Variants in AJAP1 observed in about 807,000 individuals in gnomAD.
The protein encoded by AJAP1 is adherens junctions associated protein 1, also known as adherens junction-associated protein 1.
Under a neutral mutation model 35.0 loss-of-function variants are expected in AJAP1, and 5 were observed. The observed-to-expected ratio is 0.14, with a 90% CI of 0.07 to 0.30. The LOEUF (loss-of-function observed/expected upper bound fraction) is 0.30. Ranked by LOEUF, AJAP1 falls within the 10% of genes least tolerant of loss-of-function variation. The pLI is 1.00. For missense variants in AJAP1, 586 were observed against 571.0 expected (o/e 1.03, Z -0.27); for synonymous variants, 284 against 249.3 (o/e 1.14, Z -1.31).
chr1:4,735,387 G>T (rs1640897146), intron 2 of AJAP1, among the ~76,000 whole-genome samples: 2 of 152,188 alleles, frequency 1.3e-5, no homozygotes, highest in Admixed American at 1.3e-4. Flanking sequence ...CCTATTGGGA[G>T]AGGGGACCAA....
intron 2 of AJAP1, among the ~76,000 whole-genome samples, chr1:4,741,250 C>A (rs1641062770): frequency 6.6e-6 from 1 of 152,168 alleles, no homozygotes; most frequent in African/African-American, 2.4e-5. Context: ...GACCACAGAC[C>A]AGGTGACCTA....
intron 2 of AJAP1, among the ~76,000 whole-genome samples, chr1:4,769,020 C>T (rs1204832652): frequency 6.6e-6 from 1 of 152,160 alleles, no homozygotes; most frequent in South Asian, 2.1e-4. Flanking sequence ...TTTCTGCCAT[C>T]GTGCATGTGG....
In AJAP1 at chr1:4,679,197, G is replaced by A. The variant is rs543877263; in HGVS notation, c.29+23743G>A. On this transcript the variant is annotated intron_variant, in intron 1 of 5. Transcript: ENST00000378191. ...ACACTTGGGAAACCTGCTGCCTGACGTAGTAATTTCTCTTGACAGTACTCA... is the reference window on the plus strand; with the variant it reads ...ACACTTGGGAAACCTGCTGCCTGACATAGTAATTTCTCTTGACAGTACTCA... Among the ~76,000 whole-genome samples, 12 of 152,248 alleles carry A rather than the reference G, an allele frequency of 7.9e-5. No individual in the cohort carries two copies. The South Asian group carries it at 1.9e-3, about 24-fold the overall frequency.
chr1:4,719,843 C>T (rs562148537), intron 2 of AJAP1, among the ~76,000 whole-genome samples: 15 of 152,274 alleles, frequency 9.9e-5, no homozygotes, highest in East Asian at 7.7e-4. Context: ...CCCTCCCTGC[C>T]GGTGTCCACA....
At chr1:4,760,014 C>A (rs762296199) in intron 2 of AJAP1, among the ~76,000 whole-genome samples, 10 of 152,200 alleles carry the variant, frequency 6.6e-5, no homozygotes, top group Non-Finnish European at 1.5e-4. Flanking sequence ...TTCCTTCCCC[C>A]CAGCACTGGC....
chr1:4,706,989 C>T (rs1246298489), intron 1 of AJAP1, among the ~76,000 whole-genome samples: 4 of 152,176 alleles, frequency 2.6e-5, no homozygotes, highest in Middle Eastern at 3.4e-3. Context: ...ATCATGGGCT[C>T]GAGGCTGCTG....
In AJAP1 at chr1:4,655,518, C is replaced by T; in HGVS notation, c.29+64C>T. ...TGGGTGCCAGGCTGGGCGGAAGCGG[C>T]GCTTTCCTCTATGTTGCAAATCAAG... On this transcript the variant is annotated intron_variant, in intron 1 of 5. Transcript: ENST00000378191. This position sits in a 1 kb window ranked among gnomAD's most constrained non-coding sequence, Gnocchi z 6.9. 1.3e-6 allele frequency: 2 copies of T among 1,533,920 alleles called. No individual in the cohort carries two copies. Among genetic ancestry groups the T allele is most frequent in the Non-Finnish European group, 1.8e-6 (2 of 1,133,106 alleles).
chr1:4,776,041 T>C (rs1641933626), intron 5 of AJAP1, among the ~76,000 whole-genome samples: 1 of 152,196 alleles, frequency 6.6e-6, no homozygotes, highest in African/African-American at 2.4e-5. Context: ...TAATGCACAA[T>C]TCATTGACCT....
At chr1:4,746,221 T>C (rs1034368209) in intron 2 of AJAP1, among the ~76,000 whole-genome samples, 1 of 152,136 alleles carries the variant, frequency 6.6e-6, no homozygotes, top group South Asian at 2.1e-4. Flanking sequence ...GCCTCCATCA[T>C]CCCGTGGCTG....
chr1:4,735,181 G>T (rs1267103314), intron 2 of AJAP1, among the ~76,000 whole-genome samples: 1 of 152,254 alleles, frequency 6.6e-6, no homozygotes, highest in South Asian at 2.1e-4. Flanking sequence ...GCAAGGCATG[G>T]TGGGACCAGG....
chr1:4,665,140 C>T (rs1209952333), intron 1 of AJAP1, among the ~76,000 whole-genome samples: 1 of 152,022 alleles, frequency 6.6e-6, no homozygotes, highest in Admixed American at 6.6e-5. Flanking sequence ...AAGACTGTAC[C>T]CAGATGCTGA....
At chr1:4,743,522 G>A (rs924769532) in intron 2 of AJAP1, among the ~76,000 whole-genome samples, 3 of 152,194 alleles carry the variant, frequency 2.0e-5, no homozygotes, top group African/African-American at 7.2e-5. Flanking sequence ...ATGTGTTAAT[G>A]CGTATGTGTC....
intron 1 of AJAP1, among the ~76,000 whole-genome samples, chr1:4,701,880 A>G (rs1003018678): frequency 3.9e-5 from 6 of 152,076 alleles, no homozygotes; most frequent in Non-Finnish European, 7.4e-5. Flanking sequence ...GGTGTGCCCC[A>G]TGTCCCTCCC....
intron 2 of AJAP1, among the ~76,000 whole-genome samples, chr1:4,729,120 G>A (rs1173849184): frequency 1.3e-5 from 2 of 152,192 alleles, no homozygotes. Flanking sequence ...CCAAGAGACG[G>A]ATCATTAATT....
intron 1 of AJAP1, among the ~76,000 whole-genome samples, chr1:4,707,179 A>G (rs1489916928): frequency 6.6e-6 from 1 of 152,082 alleles, no homozygotes; most frequent in African/African-American, 2.4e-5. Flanking sequence ...CCTTCCACCC[A>G]TCCGCCAGGG....
At chr1:4,758,098 C>T (rs1017082027) in intron 2 of AJAP1, among the ~76,000 whole-genome samples, 6 of 152,250 alleles carry the variant, frequency 3.9e-5, no homozygotes, top group Non-Finnish European at 1.5e-5. Flanking sequence ...ACATGTTTGC[C>T]TCCCCTTCCT....
rs919633981 is a variant in AJAP1 at position 4,662,392 on chromosome 1, T to A, written c.29+6938T>A. 6.6e-5 allele frequency among the ~76,000 whole-genome samples: 10 copies of A among 152,200 alleles called. 1 individual carries two copies. The highest frequency in any genetic ancestry group is 2.2e-4 in the African/African-American group (9 of 41,450). On this transcript the variant is annotated intron_variant, in intron 1 of 5. Transcript: ENST00000378191. ...CTTTAGTGTCATGTTCTGAGGTGTG[T>A]CTACGCAGTAGCTTGCCACGTCATT...
rs1642096766 is a variant in AJAP1, at chr1:4,783,070, A to G, written c.*585A>G. The G allele has an allele frequency of 1.1e-5, 4 of 378,498 alleles. No homozygotes were observed. The highest frequency in any genetic ancestry group is 1.9e-5 in the Non-Finnish European group (4 of 215,368). 23.4% of individuals were successfully genotyped at this position (378,498 alleles called of 1,614,324 possible). A position where few individuals can be genotyped will look rare whatever the true frequency, so the allele number is the denominator to read the frequency against. The stretch of plus-strand genomic sequence containing the variant: ...CACACACTTTTTTTGTACTGTAGCA[A>G]TTTTTGAAGATCTTAAATGTTCCTT... On this transcript the variant is annotated 3_prime_UTR_variant, in exon 6 of 6. Coordinates refer to ENST00000378191, the MANE Select transcript of AJAP1 (RefSeq NM_018836.4).
intron 1 of AJAP1, among the ~76,000 whole-genome samples, chr1:4,708,591 G>A (rs1168459592): frequency 6.6e-6 from 1 of 152,240 alleles, no homozygotes; most frequent in Admixed American, 6.5e-5. Context: ...AAGGGATGAG[G>A]ACAGAGATTG....
Sources: gnomAD v4.1 joint callset for allele counts (sites outside exome capture counted in the v4.1 genomes callset) on GRCh38, gnomAD v4.1.1 for gene constraint, Gnocchi (gnomAD v3.1) non-coding constraint, MANE v1.5 for transcripts, NCBI Gene and HGNC (gene_info 2026-07-23, HGNC 2026-07-21) for gene names.